DEPDC5: variants seen among roughly 807,000 people sequenced by gnomAD.
DEPDC5 encodes GATOR1 complex protein DEPDC5.
Under a neutral mutation model 217.3 loss-of-function variants are expected in DEPDC5, and 73 were observed. That is an observed-to-expected ratio of 0.34 (90% confidence interval 0.28 to 0.41). The LOEUF is 0.41. Ranked by LOEUF, DEPDC5 falls within the 10% of genes least tolerant of loss-of-function variation. The pLI, the probability that DEPDC5 is intolerant of heterozygous loss-of-function variation, is 1.00. For synonymous variants in DEPDC5, 733 were observed against 756.7 expected (o/e 0.97, Z 0.51); for missense variants, 1,675 against 2,070.1 (o/e 0.81, Z 3.70).
At chr22:31,825,023 A>T (rs1255026116) in intron 24 of DEPDC5, among the ~76,000 whole-genome samples, 2 of 151,570 alleles carry the variant, frequency 1.3e-5, no homozygotes, top group East Asian at 3.9e-4. Flanking sequence ...TAGAGGGGCT[A>T]TTGCTTTGCT....
chr22:31,771,593 G>A (rs2083357834), intron 7 of DEPDC5, among the ~76,000 whole-genome samples: 1 of 151,928 alleles, frequency 6.6e-6, no homozygotes, highest in Non-Finnish European at 1.5e-5. Flanking sequence ...GGTGGCCTGT[G>A]CCTGTAGTCC....
At chr22:31,868,572 G>A (rs954037567) in intron 33 of DEPDC5, among the ~76,000 whole-genome samples, 9 of 152,050 alleles carry the variant, frequency 5.9e-5, no homozygotes, top group Admixed American at 2.6e-4. Context: ...GACTACAGGC[G>A]TGTGCCACCA....
intron 35 of DEPDC5, chr22:31,873,708 C>A: frequency 5.7e-6 from 1 of 175,268 alleles, no homozygotes; most frequent in African/African-American, 2.4e-5. Context: ...TGATGCCTGA[C>A]AAGTATAGGT....
In DEPDC5 at chr22:31,838,692, G is replaced by A. The variant is rs775578682; in HGVS notation, c.2362G>A (p.Glu788Lys). The A allele has an allele frequency of 5.0e-6, 8 of 1,613,866 alleles. No individual in the cohort carries two copies. Among genetic ancestry groups the A allele is most frequent in the African/African-American group, 1.3e-5 (1 of 74,900 alleles). The change falls in exon 27 of 43, where the codon GAA (glutamate) becomes AAA (lysine). Residue 788 changes from glutamate to lysine, a missense_variant. Glu to Lys is a moderately conservative substitution (Grantham distance 56). Coordinates refer to ENST00000651528, the MANE Select transcript of DEPDC5 (RefSeq NM_001242896.3). The stretch of plus-strand genomic sequence containing the variant: ...ATCATCTGTTGTTTTCAGGAGGGAC[G>A]AAGATGGTGTGCAGATGACAGCCCA... Reference protein sequence around the residue: ...LPEADIDRRDEDGVQMTAQQV... With the variant: ...LPEADIDRRDKDGVQMTAQQV...
chr22:31,774,304 A>G (rs991597246), intron 7 of DEPDC5, among the ~76,000 whole-genome samples: 5 of 150,922 alleles, frequency 3.3e-5, no homozygotes, highest in Non-Finnish European at 7.4e-5. Flanking sequence ...GGCTCAAGCA[A>G]TTCTCCTGCC....
intron 5 of DEPDC5, 126 bp from the exon 6 acceptor site, chr22:31,766,459 A>G (rs1327125737): frequency 2.4e-6 from 2 of 835,818 alleles, no homozygotes; most frequent in African/African-American, 1.7e-5. Flanking sequence ...GAGTTCTGCT[A>G]CTGAATGGTC....
intron 10 of DEPDC5, among the ~76,000 whole-genome samples, chr22:31,786,449 A>G (rs1168803812): frequency 6.7e-6 from 1 of 149,486 alleles, no homozygotes; most frequent in Non-Finnish European, 1.5e-5. Context: ...AAAAAAAGGG[A>G]AAAAATTTTC....
chr22:31,760,501 G>T (rs923453931), intron 3 of DEPDC5, 155 bp from the exon 4 acceptor site: 77 of 646,354 alleles, frequency 1.2e-4, no homozygotes, highest in Middle Eastern at 2.7e-4. Flanking sequence ...ACCGCACCTG[G>T]CCGAGTTTCT....
chr22:31,829,663 T>C (rs1481457681), intron 24 of DEPDC5, among the ~76,000 whole-genome samples: 1 of 152,160 alleles, frequency 6.6e-6, no homozygotes, highest in Non-Finnish European at 1.5e-5. Flanking sequence ...ACATGATTCA[T>C]ATGTGAATCA....
At position 31,906,397 on chromosome 22, in the gene DEPDC5, G is replaced by A. The variant is rs748114243; in HGVS notation, c.4712G>A (p.Arg1571Gln). ...ACAGGGGATGAAAAGTTTGCTGATC[G>A]GCTGCTGAAGGACTTCACGGACTTC... Reference protein sequence around the residue: ...SATGDEKFADRLLKDFTDFCI... With the variant: ...SATGDEKFADQLLKDFTDFCI... The change falls in exon 43 of 43, where the codon CGG becomes CAG. Residue 1571 changes from arginine (R) to glutamine (Q), a missense_variant. Coordinates refer to ENST00000651528, the MANE Select transcript of DEPDC5 (RefSeq NM_001242896.3). This position sits in a 1 kb window ranked among gnomAD's most constrained non-coding sequence, Gnocchi z 5.1. The A allele has an allele frequency of 3.1e-6, 5 of 1,613,958 alleles. No homozygotes were observed. Among genetic ancestry groups the A allele is most frequent in the South Asian group, 1.1e-5 (1 of 91,094 alleles).
chr22:31,898,930 C>T (rs972840522), intron 40 of DEPDC5, among the ~76,000 whole-genome samples: 6 of 152,180 alleles, frequency 3.9e-5, no homozygotes, highest in African/African-American at 1.2e-4. Flanking sequence ...TTTATGCAGT[C>T]CTGAAATGCC....
At chr22:31,760,782 G>A in intron 4 of DEPDC5, 80 bp downstream of exon 4, 1 of 1,163,888 alleles carries the variant, frequency 8.6e-7, no homozygotes, top group Non-Finnish European at 1.2e-6. Context: ...ATAATTTCAA[G>A]GGATGAGGGC....
rs563800146 is a variant in DEPDC5, at chr22:31,802,956, C to T, written c.1081+118C>T. ...GAGCTCTACATAGTGTTCTGTGTGT[C>T]ACAACGTCTGTGGATGTCAATAGGT... is the stretch of plus-strand genomic sequence containing the variant. On this transcript the variant is annotated intron_variant, in intron 15 of 42. Transcript: ENST00000651528. 17 of 1,312,444 alleles carry T rather than the reference C, an allele frequency of 1.3e-5. No homozygotes were observed. In the East Asian group the frequency reaches 4.7e-4, roughly 36 times the overall value. The allele number at this position is 1,312,444 out of a possible 1,614,324, so 81.3% of individuals were successfully genotyped here. A position where few individuals can be genotyped will look rare whatever the true frequency, so the allele number is the denominator to read the frequency against.
At chr22:31,796,066 C>T (rs2086208719) in intron 12 of DEPDC5, among the ~76,000 whole-genome samples, 1 of 150,978 alleles carries the variant, frequency 6.6e-6, no homozygotes, top group African/African-American at 2.4e-5. Context: ...ATCACAAATG[C>T]CAATCCATGT....
At chr22:31,835,679 A>T (rs2090940384) in intron 25 of DEPDC5, among the ~76,000 whole-genome samples, 1 of 152,214 alleles carries the variant, frequency 6.6e-6, no homozygotes, top group African/African-American at 2.4e-5. Flanking sequence ...CAGGAAGTAA[A>T]AACAAGCTCA....
intron 9 of DEPDC5, chr22:31,784,271 C>T (rs1167352277): frequency 4.2e-6 from 1 of 239,826 alleles, no homozygotes; most frequent in Non-Finnish European, 8.0e-6. Context: ...AATAAATAAA[C>T]TTGGCTTCTT....
At chr22:31,898,329 C>G (rs912794434) in intron 40 of DEPDC5, among the ~76,000 whole-genome samples, 1 of 152,160 alleles carries the variant, frequency 6.6e-6, no homozygotes, top group Non-Finnish European at 1.5e-5. Flanking sequence ...TAGGACAGAT[C>G]AAAGACGAGC....
intron 39 of DEPDC5, among the ~76,000 whole-genome samples, chr22:31,895,105 T>G (rs1191526124): frequency 3.4e-5 from 5 of 145,600 alleles, no homozygotes; most frequent in African/African-American, 1.3e-4. Flanking sequence ...GATCGCGCCA[T>G]TGCACTCCAG....
Position 31,777,664 on chromosome 22 carries a change from G to C in DEPDC5, c.414-435G>C, listed in dbSNP as rs1414039744. Among the ~76,000 whole-genome samples the C allele has an allele frequency of 2.0e-5, 3 of 152,260 alleles. No homozygotes were observed. The East Asian group carries it at 5.8e-4, about 29-fold the overall frequency. ...TTATATTGGATAATCTGTTCACGGAGTTCTCTGGAAATCTGTAACCAGTTA... is the reference window on the plus strand; with the variant it reads ...TTATATTGGATAATCTGTTCACGGACTTCTCTGGAAATCTGTAACCAGTTA... On this transcript the variant is annotated intron_variant, in intron 7 of 42. Coordinates refer to ENST00000651528, the MANE Select transcript of DEPDC5 (RefSeq NM_001242896.3).
Sources: allele counts gnomAD v4.1 joint callset (sites outside exome capture counted in the v4.1 genomes callset), GRCh38; gene constraint gnomAD v4.1.1; non-coding constraint Gnocchi (gnomAD v3.1); transcripts MANE v1.5; gene names NCBI Gene and HGNC (gene_info 2026-07-23, HGNC 2026-07-21).